The following MAGI2 variants were observed in gnomAD, a reference collection of about 807,000 sequenced individuals.
MAGI2 encodes membrane associated guanylate kinase, WW and PDZ domain containing 2.
MAGI2 carries 35 observed loss-of-function variants against 133.3 expected under a neutral mutation model. The ratio of observed to expected loss-of-function variants is 0.26; its 90% CI spans 0.20 to 0.35. MAGI2 has a LOEUF of 0.35. Among genes scored for constraint, MAGI2 ranks in the 10% least tolerant of loss-of-function variants. The pLI, the probability that MAGI2 is intolerant of heterozygous loss-of-function variation, is 1.00. For synonymous variants in MAGI2, 729 were observed against 710.6 expected (o/e 1.03, Z -0.41); for missense variants, 1,636 against 1,863.4 (o/e 0.88, Z 2.25).
chr7:78,047,721 C>G (rs1811573194), intron 21 of MAGI2, among the ~76,000 whole-genome samples: 2 of 152,350 alleles, frequency 1.3e-5, no homozygotes, highest in Middle Eastern at 3.4e-3. Flanking sequence ...ACTGCCCGCT[C>G]TGTCTTGCCT....
At chr7:78,197,781 T>A (rs2150747915) in intron 11 of MAGI2, 1 of 152,378 alleles carries the variant, frequency 6.6e-6, no homozygotes, top group African/African-American at 2.4e-5. Flanking sequence ...GCAGACATAT[T>A]ATTCTGTTCC....
At chr7:78,779,082 G>C (rs1165045396) in intron 2 of MAGI2, among the ~76,000 whole-genome samples, 4 of 151,928 alleles carry the variant, frequency 2.6e-5, no homozygotes, top group African/African-American at 9.7e-5. Context: ...CTAATGTTTT[G>C]TATTTTTAGT....
intron 2 of MAGI2, among the ~76,000 whole-genome samples, chr7:78,688,669 G>C (rs1489110442): frequency 6.6e-6 from 1 of 152,134 alleles, no homozygotes; most frequent in Non-Finnish European, 1.5e-5. Context: ...AGGTGGAAAG[G>C]AACATGAACA....
chr7:78,516,716 G>C (rs192215313), intron 4 of MAGI2, among the ~76,000 whole-genome samples: 3 of 152,276 alleles, frequency 2.0e-5, no homozygotes, highest in Admixed American at 2.0e-4. Flanking sequence ...GGATCAGGAA[G>C]GATCCTGGAG....
intron 13 of MAGI2, among the ~76,000 whole-genome samples, chr7:78,178,994 G>A (rs1826935296): frequency 6.6e-6 from 1 of 152,184 alleles, no homozygotes; most frequent in Non-Finnish European, 1.5e-5. Context: ...TTTTTAAGTA[G>A]AATCTGATTT....
Position 78,529,668 on chromosome 7 carries a change from GTTTTTTTTTTTTTTT to G in MAGI2, c.539-8038_539-8024del, listed in dbSNP as rs554010061. Among the ~76,000 whole-genome samples, 222 of 57,442 alleles carry G rather than the reference GTTTTTTTTTTTTTTT, an allele frequency of 3.9e-3. 3 individuals carry two copies. The highest frequency in any genetic ancestry group is 0.024 in the South Asian group (32 of 1,358). The allele number at this position is 57,442 out of a possible 152,430, so 37.7% of individuals were successfully genotyped here. ...TTTCTTTTCCTTGCTAAAGGAGATG[GTTTTTTTTTTTTTTT>G]TTTTTTTTTTTTTTTTTGGGACATG... On this transcript the variant is annotated intron_variant, in intron 3 of 21. Coordinates refer to ENST00000354212, the MANE Select transcript of MAGI2 (RefSeq NM_012301.4).
At chr7:79,192,121 C>T (rs896523786) in intron 1 of MAGI2, among the ~76,000 whole-genome samples, 18 of 151,820 alleles carry the variant, frequency 1.2e-4, no homozygotes, top group Non-Finnish European at 4.4e-5. Flanking sequence ...ATTTGTAACC[C>T]CTACACATAT....
chr7:78,854,529 T>C (rs181889872), intron 2 of MAGI2, among the ~76,000 whole-genome samples: 3 of 152,286 alleles, frequency 2.0e-5, no homozygotes, highest in Admixed American at 2.0e-4. Flanking sequence ...TTCCTAAAAG[T>C]AGAAAATGTT....
At chr7:79,106,508 T>C (rs1818466109) in intron 1 of MAGI2, among the ~76,000 whole-genome samples, 2 of 152,304 alleles carry the variant, frequency 1.3e-5, no homozygotes, top group South Asian at 4.1e-4. Context: ...AAAAATATGA[T>C]AAAATATTAT....
At chr7:78,991,093 T>C (rs1241762382) in intron 2 of MAGI2, among the ~76,000 whole-genome samples, 1 of 151,812 alleles carries the variant, frequency 6.6e-6, no homozygotes, top group South Asian at 2.1e-4. Context: ...TCTCACGAGA[T>C]CTGATGATTT....
chr7:78,779,108 A>G (rs957488013), intron 2 of MAGI2, among the ~76,000 whole-genome samples: 1 of 151,928 alleles, frequency 6.6e-6, no homozygotes, highest in African/African-American at 2.4e-5. Context: ...CGGAGTTTCA[A>G]TGTTGGCCAG....
Position 78,676,387 on chromosome 7 carries a change from A to T in MAGI2, c.419-49148T>A, listed in dbSNP as rs187760417. Among the ~76,000 whole-genome samples the T allele has an allele frequency of 5.7e-4, 87 of 152,290 alleles. No individual in the cohort carries two copies. In the East Asian group the frequency reaches 0.016, roughly 28 times the overall value. Reference sequence around the variant, plus strand: ...TTCTTGGCGATTCAGACCTTTTCTAATTTAAGCAGCCACCTCATATTTCTA... The same window carrying T: ...TTCTTGGCGATTCAGACCTTTTCTATTTTAAGCAGCCACCTCATATTTCTA... On this transcript the variant is annotated intron_variant, in intron 2 of 21. Coordinates refer to ENST00000354212, the MANE Select transcript of MAGI2 (RefSeq NM_012301.4).
At chr7:78,513,207 G>A (rs1245619066) in intron 4 of MAGI2, among the ~76,000 whole-genome samples, 1 of 152,036 alleles carries the variant, frequency 6.6e-6, no homozygotes, top group Admixed American at 6.5e-5. Flanking sequence ...GGAGATGAAA[G>A]AGAAAATTAG....
At chr7:78,357,993 T>A (rs1377415027) in intron 7 of MAGI2, among the ~76,000 whole-genome samples, 1 of 149,784 alleles carries the variant, frequency 6.7e-6, no homozygotes, top group Admixed American at 6.6e-5. Flanking sequence ...ATGATGTCAT[T>A]TTTTATTGTT....
chr7:79,153,711 A>G (rs2129547177), intron 1 of MAGI2, among the ~76,000 whole-genome samples: 1 of 152,324 alleles, frequency 6.6e-6, no homozygotes, highest in Non-Finnish European at 1.5e-5. Flanking sequence ...GGTTTTTATC[A>G]CAAGAGTTAC....
At chr7:79,082,909 T>C (rs1323599298) in intron 1 of MAGI2, among the ~76,000 whole-genome samples, 2 of 151,906 alleles carry the variant, frequency 1.3e-5, no homozygotes, top group Non-Finnish European at 2.9e-5. Context: ...TTTTGTACAT[T>C]TTGGTTAAAT....
chr7:78,402,470 C>T lies in MAGI2; in HGVS notation c.1046-33257G>A, dbSNP rs146506936. On this transcript the variant is annotated intron_variant, in intron 6 of 21. Coordinates refer to ENST00000354212, the MANE Select transcript of MAGI2 (RefSeq NM_012301.4). ...CACCTCGGGCGTGTGTGTGTGCATG[C>T]ACACCCATACATGTGTCAGTCCCAT... 7.7e-3 allele frequency among the ~76,000 whole-genome samples: 1,168 copies of T among 152,212 alleles called. 14 individuals carry two copies. Among genetic ancestry groups the T allele is most frequent in the African/African-American group, 0.026 (1,091 of 41,524 alleles).
intron 1 of MAGI2, among the ~76,000 whole-genome samples, chr7:79,068,178 G>A (rs949011513): frequency 1.3e-5 from 2 of 152,188 alleles, no homozygotes; most frequent in African/African-American, 4.8e-5. Flanking sequence ...CAGAAGGAAT[G>A]GTACTAACTC....
chr7:78,757,913 T>G lies in MAGI2; in HGVS notation c.419-130674A>C, dbSNP rs576065706. Among the ~76,000 whole-genome samples, 5 of 152,260 alleles carry G rather than the reference T, an allele frequency of 3.3e-5. No homozygotes were observed. In the South Asian group the frequency reaches 1.0e-3, roughly 32 times the overall value. On this transcript the variant is annotated intron_variant, in intron 2 of 21. Coordinates refer to ENST00000354212, the MANE Select transcript of MAGI2 (RefSeq NM_012301.4). Reference sequence around the variant, plus strand: ...TTTACCATAGAGTTTGCTCCTGAATTCCAGAACGATACACCCAGCTGCCTA... The same window carrying G: ...TTTACCATAGAGTTTGCTCCTGAATGCCAGAACGATACACCCAGCTGCCTA...
Sources: gnomAD v4.1 joint callset for allele counts (sites outside exome capture counted in the v4.1 genomes callset) on GRCh38, gnomAD v4.1.1 for gene constraint, MANE v1.5 for transcripts, NCBI Gene and HGNC (gene_info 2026-07-23, HGNC 2026-07-21) for gene names.